TTC3: variants seen among roughly 807,000 people sequenced by gnomAD.
TTC3 encodes the protein E3 ubiquitin-protein ligase TTC3.
A neutral mutation model predicts 249.6 loss-of-function variants in TTC3; 180 were observed. That is an observed-to-expected ratio of 0.72 (90% confidence interval 0.64 to 0.82). The LOEUF (loss-of-function observed/expected upper bound fraction) is 0.82, where lower values mean the gene tolerates loss of function less well. Ranked by LOEUF, TTC3 falls within the 40% of genes least tolerant of loss-of-function variation. TTC3 has a pLI of 0.00. For synonymous variants in TTC3, 717 were observed against 805.0 expected (o/e 0.89, Z 1.85); for missense variants, 2,061 against 2,398.4 (o/e 0.86, Z 2.94).
At chr21:37,201,175 G>A (rs1310678547) in intron 45 of TTC3, among the ~76,000 whole-genome samples, 3 of 152,216 alleles carry the variant, frequency 2.0e-5, no homozygotes, top group African/African-American at 7.2e-5. Flanking sequence ...GCCTGGAACC[G>A]GGGATCAGGG....
At chr21:37,122,437 T>TA (rs913030475) in intron 12 of TTC3, among the ~76,000 whole-genome samples, 22 of 28,458 alleles carry the variant, frequency 7.7e-4, no homozygotes, top group Admixed American at 1.7e-3. Flanking sequence ...TATATATATA[T>TA]TATATATATA....
chr21:37,185,641 C>G (rs1206853239), intron 36 of TTC3, 65 bp from the exon 37 acceptor site: 1 of 854,532 alleles, frequency 1.2e-6, no homozygotes, highest in Non-Finnish European at 1.7e-6. Flanking sequence ...GTGCAATTTA[C>G]TGTGTGGGGG....
At chr21:37,115,065 A>G (rs1250631151) in intron 11 of TTC3, among the ~76,000 whole-genome samples, 1 of 152,014 alleles carries the variant, frequency 6.6e-6, no homozygotes, top group Non-Finnish European at 1.5e-5. Flanking sequence ...GCATTAGGAG[A>G]TATACCTAAT....
intron 44 of TTC3, among the ~76,000 whole-genome samples, chr21:37,198,653 C>T (rs1326379109): frequency 6.6e-6 from 1 of 152,094 alleles, no homozygotes; most frequent in African/African-American, 2.4e-5. Flanking sequence ...TATTAATTTT[C>T]AAATTACAAA....
chr21:37,092,922 A>G (rs1211194135), intron 7 of TTC3, among the ~76,000 whole-genome samples: 5 of 152,188 alleles, frequency 3.3e-5, no homozygotes, highest in African/African-American at 9.7e-5. Flanking sequence ...TTTTATAATA[A>G]TAGTGTTTCA....
At chr21:37,174,206 C>T (rs1289551666) in intron 35 of TTC3, among the ~76,000 whole-genome samples, 2 of 152,166 alleles carry the variant, frequency 1.3e-5, no homozygotes, top group African/African-American at 4.8e-5. Flanking sequence ...AAATAAAGCA[C>T]CCAGTGGGAG....
intron 35 of TTC3, among the ~76,000 whole-genome samples, chr21:37,178,587 G>A (rs962297130): frequency 6.6e-6 from 1 of 152,118 alleles, no homozygotes; most frequent in African/African-American, 2.4e-5. Context: ...TTAGCCATTT[G>A]TATATCTTCT....
At chr21:37,198,290 T>C (rs2085134473) in intron 44 of TTC3, among the ~76,000 whole-genome samples, 1 of 152,246 alleles carries the variant, frequency 6.6e-6, no homozygotes, top group Non-Finnish European at 1.5e-5. Flanking sequence ...GTGGGGGATC[T>C]GAGCCTTCTC....
chr21:37,195,933 C>T lies in TTC3; in HGVS notation c.5476C>T (p.Gln1826Ter). Residue 1826 changes from glutamine (Q) to a stop codon, truncating the protein, a stop_gained, in exon 42 of 46, where the codon CAG becomes TAG. Coordinates refer to ENST00000355666, the Ensembl canonical transcript of TTC3. LOFTEE classifies it high-confidence loss of function. ...ACGAAGCCCTGTGGCTGATCGGAAGCAGCCTGTTCCTCCAGGACGTGCTGC... is the reference window on the plus strand; with the variant it reads ...ACGAAGCCCTGTGGCTGATCGGAAGTAGCCTGTTCCTCCAGGACGTGCTGC... 6.2e-7 allele frequency: 1 copy of T among 1,614,222 alleles called. No homozygotes were observed. Among genetic ancestry groups the T allele is most frequent in the South Asian group, 1.1e-5 (1 of 91,090 alleles).
exon 46 of TTC3, chr21:37,201,886 G>A (rs2085536270): frequency 3.5e-6 from 1 of 284,818 alleles, no homozygotes; most frequent in African/African-American, 2.2e-5. Context: ...GTATTCTAGT[G>A]ATAAGAATTC....
exon 1 of TTC3, chr21:37,073,305 C>CGGT: frequency 2.4e-6 from 1 of 408,282 alleles, no homozygotes; most frequent in Non-Finnish European, 3.2e-6. Flanking sequence ...GTGGCGGCGG[C>CGGT]GGCGGCGGCG....
rs367744933 is a variant in TTC3 at position 37,124,615 on chromosome 21, T to G, written c.1110-4T>G. 2 of 1,609,990 alleles carry G rather than the reference T, an allele frequency of 1.2e-6. No individual in the cohort carries two copies. The highest frequency in any genetic ancestry group is 1.1e-5 in the South Asian group (1 of 90,240). ...TATAATAATTCCTTTTTTCCCCCAC[T>G]TAGGGCCTACACACCTAGGAGTTTA... On this transcript the variant is annotated splice_polypyrimidine_tract_variant and splice_region_variant and intron_variant, in intron 13 of 45. Coordinates refer to ENST00000355666, the Ensembl canonical transcript of TTC3.
In TTC3 at chr21:37,135,515, G is replaced by T. The variant is rs1176706431; in HGVS notation, c.1578+1G>T. On this transcript the variant is annotated splice_donor_variant, in intron 18 of 45. Transcript: ENST00000355666. LOFTEE classifies it high-confidence loss of function. Reference sequence around the variant, plus strand: ...CGGTTTAGATCCTCAAAAAATAAAGGTAAATTTGCCATATCATAACTTGTT... The same window carrying T: ...CGGTTTAGATCCTCAAAAAATAAAGTTAAATTTGCCATATCATAACTTGTT... 6.2e-7 allele frequency: 1 copy of T among 1,611,184 alleles called. No individual in the cohort carries two copies. Among genetic ancestry groups the T allele is most frequent in the Admixed American group, 1.7e-5 (1 of 59,436 alleles).
chr21:37,196,020 T>C, exon 42 of TTC3: 7 of 1,614,120 alleles, frequency 4.3e-6, no homozygotes, highest in Non-Finnish European at 5.9e-6. Context: ...GTCAGTGGTA[T>C]TCCCATGTTA....
intron 20 of TTC3, among the ~76,000 whole-genome samples, chr21:37,142,300 G>A (rs1190565090): frequency 6.6e-6 from 1 of 152,182 alleles, no homozygotes. Context: ...AGGAAAAGAG[G>A]AAGTCAAATT....
intron 18 of TTC3, 52 bp from the exon 19 acceptor site, chr21:37,138,582 A>G: frequency 7.7e-7 from 1 of 1,304,720 alleles, no homozygotes; most frequent in Non-Finnish European, 1.1e-6. Context: ...GACTGGATGC[A>G]AATTGGGCAG....
chr21:37,083,757 A>T (rs912937590), intron 1 of TTC3: 9 of 152,232 alleles, frequency 5.9e-5, no homozygotes, highest in African/African-American at 2.2e-4. Flanking sequence ...GGCTTGTGGG[A>T]CATCTTGGTT....
chr21:37,108,588 C>A, intron 11 of TTC3, 142 bp downstream of exon 11: 1 of 805,882 alleles, frequency 1.2e-6, no homozygotes, highest in Non-Finnish European at 1.9e-6. Flanking sequence ...TCATCAGATC[C>A]ATGATCAGCG....
chr21:37,192,273 A>C (rs2084241582), intron 41 of TTC3, 60 bp downstream of exon 41: 1 of 1,156,402 alleles, frequency 8.6e-7, no homozygotes, highest in Admixed American at 2.6e-5. Context: ...AACTGGCCAA[A>C]GTAGTTATTT....
Sources: allele counts gnomAD v4.1 joint callset (sites outside exome capture counted in the v4.1 genomes callset), GRCh38; gene constraint gnomAD v4.1.1; transcripts MANE v1.5; gene names NCBI Gene and HGNC (gene_info 2026-07-23, HGNC 2026-07-21).